Variants in DNAH9 observed in about 807,000 individuals in gnomAD.
DNAH9 encodes the protein dynein axonemal heavy chain 9.
A neutral mutation model predicts 471.6 loss-of-function variants in DNAH9; 345 were observed. The observed-to-expected ratio is 0.73, with a 90% CI of 0.67 to 0.80. DNAH9 has a LOEUF of 0.80. DNAH9 is among the 30% of genes least tolerant of loss of function. The pLI is 0.00. For synonymous variants in DNAH9, 2,093 were observed against 2,123.6 expected, an observed-to-expected ratio of 0.99 and a Z score of 0.40; for missense variants, 5,407 against 5,609.2, an observed-to-expected ratio of 0.96 and a Z score of 1.15.
At chr17:11,880,602 C>T (rs549286069) in intron 54 of DNAH9, among the ~76,000 whole-genome samples, 1 of 152,158 alleles carries the variant, frequency 6.6e-6, no homozygotes, top group South Asian at 2.1e-4. Flanking sequence ...AGTGCTGGCT[C>T]ATGATGAGGG....
intron 1 of DNAH9, among the ~76,000 whole-genome samples, chr17:11,604,938 A>T (rs1443691477): frequency 6.6e-6 from 1 of 151,984 alleles, no homozygotes; most frequent in Non-Finnish European, 1.5e-5. Flanking sequence ...AGCCTATGGC[A>T]CTCCTTTGCT....
chr17:11,880,829 C>G (rs1483537667), intron 54 of DNAH9, among the ~76,000 whole-genome samples: 1 of 152,154 alleles, frequency 6.6e-6, no homozygotes, highest in African/African-American at 2.4e-5. Context: ...ATTCCCATGT[C>G]AGCCATGAGG....
chr17:11,647,283 T>A, intron 12 of DNAH9, 85 bp downstream of exon 12: 1 of 1,367,294 alleles, frequency 7.3e-7, no homozygotes, highest in Non-Finnish European at 1.0e-6. Context: ...AAGACTTTTA[T>A]TTTTTTGAGA....
At position 11,937,779 on chromosome 17, in the gene DNAH9, G is replaced by T. The variant is rs1428437711; in HGVS notation, c.12660+257G>T. Among the ~76,000 whole-genome samples, 1 of 152,182 alleles carries T rather than the reference G, an allele frequency of 6.6e-6. No individual in the cohort carries two copies. Among genetic ancestry groups the T allele is most frequent in the Non-Finnish European group, 1.5e-5 (1 of 68,032 alleles). On this transcript the variant is annotated intron_variant, in intron 66 of 68. Transcript: ENST00000262442. This position sits in a 1 kb window ranked among gnomAD's most constrained non-coding sequence, Gnocchi z 4.1. ...AGTTTTCTTTGCCAGTCCACCCAAAGTCCATTTTTATTCAGCTTCTCTGCC... is the reference window on the plus strand; with the variant it reads ...AGTTTTCTTTGCCAGTCCACCCAAATTCCATTTTTATTCAGCTTCTCTGCC...
In DNAH9 at chr17:11,784,735, T is replaced by C. The variant is rs114727721; in HGVS notation, c.8061+196T>C. 5.4e-3 allele frequency among the ~76,000 whole-genome samples: 826 copies of C among 152,266 alleles called. 10 individuals are homozygous for C. The highest frequency in any genetic ancestry group is 0.019 in the African/African-American group (788 of 41,534). Reference sequence around the variant, plus strand: ...AGGCCCTCAATAAAATAGAGTTTCCTTTGCCAATTAAATTATTTCTCGGTA... The same window carrying C: ...AGGCCCTCAATAAAATAGAGTTTCCCTTGCCAATTAAATTATTTCTCGGTA... On this transcript the variant is annotated intron_variant, in intron 41 of 68. Transcript: ENST00000262442.
At chr17:11,708,014 C>CAGAGAGAGAGAGAGAG (rs34314090) in intron 26 of DNAH9, among the ~76,000 whole-genome samples, 1 of 52,152 alleles carries the variant, frequency 1.9e-5, no homozygotes, top group African/African-American at 7.2e-5. Context: ...CACACACACA[C>CAGAGAGAGAGAGAGAG]AGAGAGAGAG....
intron 61 of DNAH9, among the ~76,000 whole-genome samples, chr17:11,907,446 G>A (rs1200443890): frequency 1.4e-5 from 2 of 144,658 alleles, no homozygotes; most frequent in African/African-American, 5.1e-5. Context: ...CTCCAGCCTG[G>A]GCAACAAGAG....
chr17:11,821,800 G>A, intron 45 of DNAH9, 120 bp from the exon 46 acceptor site: 1 of 1,082,106 alleles, frequency 9.2e-7, no homozygotes. Flanking sequence ...ACCAGCAAGA[G>A]AGTTGGTACA....
intron 50 of DNAH9, among the ~76,000 whole-genome samples, chr17:11,867,380 A>C (rs940792017): frequency 6.6e-6 from 1 of 152,072 alleles, no homozygotes; most frequent in African/African-American, 2.4e-5. Context: ...TATGCTTTTC[A>C]GGAAATTTCC....
At chr17:11,851,441 G>T (rs1161314510) in intron 49 of DNAH9, among the ~76,000 whole-genome samples, 1 of 152,126 alleles carries the variant, frequency 6.6e-6, no homozygotes, top group African/African-American at 2.4e-5. Context: ...GGTGGATGCA[G>T]AGGTATCAGC....
In DNAH9 at chr17:11,913,983, G is replaced by A. The variant is rs1973866500; in HGVS notation, c.11749+8174G>A. On this transcript the variant is annotated intron_variant, in intron 61 of 68. Coordinates refer to ENST00000262442, the MANE Select transcript of DNAH9 (RefSeq NM_001372.4). ...CTATCATTAATTTCATGCATGCCTA[G>A]TTTATGGGTTAATTTTTAAGTTGAA... Among the ~76,000 whole-genome samples, 3 of 152,016 alleles carry A rather than the reference G, an allele frequency of 2.0e-5. No homozygotes were observed. In the South Asian group the frequency reaches 6.2e-4, roughly 32 times the overall value.
intron 4 of DNAH9, among the ~76,000 whole-genome samples, chr17:11,614,018 A>T (rs1220610972): frequency 2.0e-5 from 3 of 152,188 alleles, no homozygotes; most frequent in African/African-American, 7.2e-5. Flanking sequence ...AATTTTTTTT[A>T]AAAAAGATAC....
intron 67 of DNAH9, among the ~76,000 whole-genome samples, chr17:11,942,899 T>TC (rs1415118997): frequency 5.4e-5 from 8 of 147,594 alleles, no homozygotes; most frequent in South Asian, 2.2e-4. Context: ...GTTTTTTCTT[T>TC]TTTTTTTTTT....
intron 20 of DNAH9, among the ~76,000 whole-genome samples, chr17:11,691,921 A>G (rs934377501): frequency 6.6e-6 from 1 of 152,132 alleles, no homozygotes; most frequent in Non-Finnish European, 1.5e-5. Flanking sequence ...CTCCTGCCTC[A>G]GCCTCCTGAG....
intron 38 of DNAH9, 94 bp downstream of exon 38, chr17:11,769,423 T>TG (rs1968110229): frequency 8.8e-7 from 1 of 1,135,368 alleles, no homozygotes; most frequent in Admixed American, 2.0e-5. Flanking sequence ...CTGCCTGACT[T>TG]GAGTTCTGCA....
intron 60 of DNAH9, among the ~76,000 whole-genome samples, chr17:11,903,408 A>C (rs1024067845): frequency 7.2e-5 from 11 of 152,226 alleles, no homozygotes; most frequent in Non-Finnish European, 1.5e-5. Flanking sequence ...CACTGGTGTG[A>C]TATAAATGTT....
chr17:11,636,728 A>G lies in DNAH9; in HGVS notation c.1730A>G (p.Asp577Gly). 6.2e-7 allele frequency: 1 copy of G among 1,614,114 alleles called. No individual in the cohort carries two copies. Among genetic ancestry groups the G allele is most frequent in the Non-Finnish European group, 8.5e-7 (1 of 1,179,950 alleles). The change falls in exon 9 of 69, where the codon GAT becomes GGT. Residue 577 changes from aspartate to glycine, a missense_variant. Physicochemically the swap from Asp to Gly is moderately conservative, Grantham distance 94. Around this residue, in one of 3 missense-constraint regions of DNAH9, gnomAD observed 4,636 missense variants for 4,900.3 expected, o/e 0.95. Coordinates refer to ENST00000262442, the MANE Select transcript of DNAH9 (RefSeq NM_001372.4). ...GTCCTCATCCAAATGTTCAACAAAGATCTGGATGCAGTGAGGATGATCTAC... is the reference window on the plus strand; with the variant it reads ...GTCCTCATCCAAATGTTCAACAAAGGTCTGGATGCAGTGAGGATGATCTAC... ...YLVLIQMFNK[D>G]LDAVRMIYSQ...
intron 61 of DNAH9, among the ~76,000 whole-genome samples, chr17:11,922,519 G>C (rs1974169918): frequency 1.3e-5 from 2 of 152,034 alleles, no homozygotes; most frequent in African/African-American, 4.8e-5. Flanking sequence ...TTTCCCTTGG[G>C]CGTGGAGAGC....
rs201382993 is a variant in DNAH9 at position 11,807,797 on chromosome 17, G to C, written c.8486G>C (p.Ser2829Thr). 12 of 1,613,964 alleles carry C rather than the reference G, an allele frequency of 7.4e-6. No individual in the cohort carries two copies. The highest frequency in any genetic ancestry group is 6.6e-5 in the South Asian group (6 of 91,076). The change falls in exon 44 of 69, where the codon AGC becomes ACC. Residue 2829 changes from serine to threonine, a missense_variant. Around this residue, in one of 3 missense-constraint regions of DNAH9, gnomAD observed 4,636 missense variants for 4,900.3 expected, o/e 0.95. Transcript: ENST00000262442. ...GNALLVGVGG[S>T]GKQSLTRLAA... Reference sequence around the variant, plus strand: ...GCTCTGCTGGTTGGTGTAGGTGGGAGCGGCAAGCAGAGCCTGACAAGGCTG... The same window carrying C: ...GCTCTGCTGGTTGGTGTAGGTGGGACCGGCAAGCAGAGCCTGACAAGGCTG...
Sources: allele counts gnomAD v4.1 joint callset (sites outside exome capture counted in the v4.1 genomes callset), GRCh38; gene constraint gnomAD v4.1.1; regional missense constraint gnomAD v4.1.1; non-coding constraint Gnocchi (gnomAD v3.1); transcripts MANE v1.5; gene names NCBI Gene and HGNC (gene_info 2026-07-23, HGNC 2026-07-21).